The following CHRM3 variants were observed in gnomAD, a reference collection of about 807,000 sequenced individuals.
CHRM3 encodes muscarinic acetylcholine receptor M3.
In CHRM3, 11 loss-of-function variants were observed where a neutral mutation model predicts 41.8. The observed-to-expected ratio is 0.26, with a 90% CI of 0.17 to 0.44. CHRM3 has a LOEUF of 0.44. CHRM3 is among the 20% of genes least tolerant of loss of function. The pLI, the probability that CHRM3 is intolerant of heterozygous loss-of-function variation, is 1.00. For missense variants in CHRM3, 571 were observed against 745.4 expected (o/e 0.77, Z 2.72); for synonymous variants, 297 against 301.4 (o/e 0.99, Z 0.15).
intron 6 of CHRM3, among the ~76,000 whole-genome samples, chr1:239,858,102 A>G (rs1675274451): frequency 6.6e-6 from 1 of 152,208 alleles, no homozygotes; most frequent in African/African-American, 2.4e-5. Context: ...AGATGACTTC[A>G]CTTAATTCAC....
chr1:239,903,481 C>A (rs572189492), intron 6 of CHRM3, among the ~76,000 whole-genome samples: 1 of 152,152 alleles, frequency 6.6e-6, no homozygotes, highest in Non-Finnish European at 1.5e-5. Context: ...CTAAAGCTAG[C>A]AGTGGTTAAA....
chr1:239,516,022 G>A (rs1669241018), intron 2 of CHRM3, among the ~76,000 whole-genome samples: 1 of 152,046 alleles, frequency 6.6e-6, no homozygotes, highest in Non-Finnish European at 1.5e-5. Flanking sequence ...ACTAATGACT[G>A]CTTTCTCTTT....
At chr1:239,862,885 T>C (rs1312816529) in intron 6 of CHRM3, among the ~76,000 whole-genome samples, 2 of 152,346 alleles carry the variant, frequency 1.3e-5, no homozygotes, top group Admixed American at 6.5e-5. Flanking sequence ...ACAGTAGTTT[T>C]CTAATTTATT....
intron 5 of CHRM3, among the ~76,000 whole-genome samples, chr1:239,757,692 T>C (rs1666361002): frequency 6.6e-6 from 1 of 152,152 alleles, no homozygotes; most frequent in Non-Finnish European, 1.5e-5. Flanking sequence ...ATTTTTTATG[T>C]ACTTGCCAGT....
At chr1:239,707,399 G>T (rs537716353) in intron 5 of CHRM3, 1 of 152,250 alleles carries the variant, frequency 6.6e-6, no homozygotes, top group African/African-American at 2.4e-5. Flanking sequence ...TTGTGGGCCC[G>T]TGATAATTCT....
intron 5 of CHRM3, among the ~76,000 whole-genome samples, chr1:239,754,446 G>A (rs1666078845): frequency 6.6e-6 from 1 of 152,148 alleles, no homozygotes; most frequent in Non-Finnish European, 1.5e-5. Flanking sequence ...ATCCTTCCAG[G>A]AGGCATTTGC....
chr1:239,564,781 C>T (rs1661194293), intron 3 of CHRM3, among the ~76,000 whole-genome samples: 1 of 152,120 alleles, frequency 6.6e-6, no homozygotes, highest in South Asian at 2.1e-4. Context: ...AGATAAGATT[C>T]TCCTTGATCC....
intron 5 of CHRM3, among the ~76,000 whole-genome samples, chr1:239,685,667 A>G (rs767661462): frequency 1.6e-4 from 24 of 152,084 alleles, no homozygotes; most frequent in Non-Finnish European, 3.1e-4. Context: ...TACTAAAAAT[A>G]CAAAATTAGC....
intron 4 of CHRM3, among the ~76,000 whole-genome samples, chr1:239,656,129 A>G (rs1672686998): frequency 6.6e-6 from 1 of 152,040 alleles, no homozygotes; most frequent in Admixed American, 6.6e-5. Context: ...GAAGGAAAGG[A>G]TAAACACTGG....
At chr1:239,864,963 A>G (rs1558190354) in intron 6 of CHRM3, among the ~76,000 whole-genome samples, 2 of 152,208 alleles carry the variant, frequency 1.3e-5, no homozygotes. Flanking sequence ...GACAACATCT[A>G]TCACACTTAT....
chr1:239,789,242 A>T (rs1221790521), intron 5 of CHRM3, among the ~76,000 whole-genome samples: 1 of 152,210 alleles, frequency 6.6e-6, no homozygotes, highest in Non-Finnish European at 1.5e-5. Flanking sequence ...TGCTCAAATT[A>T]TGCCTAATTA....
At position 239,488,619 on chromosome 1, in the gene CHRM3, G is replaced by A. The variant is rs549979481; in HGVS notation, c.-520-4090G>A. On this transcript the variant is annotated intron_variant, in intron 1 of 6. Coordinates refer to ENST00000676153, the MANE Select transcript of CHRM3 (RefSeq NM_001375978.1). Reference sequence around the variant, plus strand: ...AGTCCCAGCTACTTGAGAGGCTGAGGCAGGAGAATGGTGTGAACCTGGAAA... The same window carrying A: ...AGTCCCAGCTACTTGAGAGGCTGAGACAGGAGAATGGTGTGAACCTGGAAA... Among the ~76,000 whole-genome samples, 78 of 148,718 alleles carry A rather than the reference G, an allele frequency of 5.2e-4. 1 individual carries two copies. In the South Asian group the frequency reaches 0.016, roughly 31 times the overall value.
chr1:239,824,055 G>T (rs1048366122), intron 5 of CHRM3, among the ~76,000 whole-genome samples: 1 of 151,998 alleles, frequency 6.6e-6, no homozygotes, highest in African/African-American at 2.4e-5. Flanking sequence ...GTGACCATCT[G>T]CTACGGGCAC....
chr1:239,389,970 G>C (rs1658880218), intron 1 of CHRM3, among the ~76,000 whole-genome samples: 1 of 152,180 alleles, frequency 6.6e-6, no homozygotes, highest in South Asian at 2.1e-4. Flanking sequence ...AGACTGATCA[G>C]TATGCAGAGA....
chr1:239,552,532 G>A (rs909664243), intron 3 of CHRM3, among the ~76,000 whole-genome samples: 33 of 144,652 alleles, frequency 2.3e-4, no homozygotes, highest in African/African-American at 7.5e-4. Context: ...TAAACGATAA[G>A]CTCACTGCAG....
chr1:239,871,638 C>T (rs1251959456), intron 6 of CHRM3, among the ~76,000 whole-genome samples: 1 of 152,008 alleles, frequency 6.6e-6, no homozygotes, highest in Admixed American at 6.6e-5. Flanking sequence ...TTTCTTCTTC[C>T]CTCTGTTTTT....
chr1:239,685,501 T>C (rs1659044625), intron 5 of CHRM3, among the ~76,000 whole-genome samples: 1 of 152,084 alleles, frequency 6.6e-6, no homozygotes, highest in African/African-American at 2.4e-5. Flanking sequence ...CCTGCTCCTC[T>C]CGTGCATTGG....
intron 5 of CHRM3, among the ~76,000 whole-genome samples, chr1:239,731,270 G>A (rs1401483752): frequency 2.0e-5 from 3 of 151,954 alleles, no homozygotes. Context: ...CTATATGGAT[G>A]TCAGTGGAAT....
At chr1:239,799,630 G>A (rs1670054825) in intron 5 of CHRM3, among the ~76,000 whole-genome samples, 1 of 152,224 alleles carries the variant, frequency 6.6e-6, no homozygotes, top group South Asian at 2.1e-4. Flanking sequence ...AGGAGAAACA[G>A]GCATATTAGG....
Sources: allele counts gnomAD v4.1 joint callset (sites outside exome capture counted in the v4.1 genomes callset), GRCh38; gene constraint gnomAD v4.1.1; transcripts MANE v1.5; gene names NCBI Gene and HGNC (gene_info 2026-07-23, HGNC 2026-07-21).